The following PPP2R2C variants were observed in gnomAD, a reference collection of about 807,000 sequenced individuals.
PPP2R2C encodes the protein protein phosphatase 2 regulatory subunit Bgamma, also known as protein phosphatase 2, regulatory subunit B, gamma.
In PPP2R2C, 10 loss-of-function variants were observed where a neutral mutation model predicts 45.3. The observed-to-expected ratio is 0.22, with a 90% CI of 0.14 to 0.37. The LOEUF (loss-of-function observed/expected upper bound fraction) is 0.37. PPP2R2C is among the 10% of genes least tolerant of loss of function. The pLI is 1.00. For missense variants in PPP2R2C, 308 were observed against 619.7 expected (o/e 0.50, Z 5.34); for synonymous variants, 257 against 245.4 (o/e 1.05, Z -0.44).
intron 5 of PPP2R2C, among the ~76,000 whole-genome samples, chr4:6,367,624 C>T (rs543448597): frequency 3.3e-5 from 5 of 152,296 alleles, no homozygotes; most frequent in East Asian, 3.9e-4. Context: ...AGAAATGAAA[C>T]GCCTCCTCTC....
intron 1 of PPP2R2C, among the ~76,000 whole-genome samples, chr4:6,545,700 T>C (rs1724957464): frequency 6.6e-6 from 1 of 152,160 alleles, no homozygotes; most frequent in African/African-American, 2.4e-5. Flanking sequence ...AATCCCCAAT[T>C]CCCTGCCTGA....
chr4:6,360,994 G>A (rs1326823595), intron 5 of PPP2R2C, among the ~76,000 whole-genome samples: 1 of 152,154 alleles, frequency 6.6e-6, no homozygotes, highest in Admixed American at 6.5e-5. Flanking sequence ...GATTGGATTA[G>A]GGTCTACCCT....
intron 1 of PPP2R2C, chr4:6,381,700 G>C (rs373796526): frequency 5.2e-6 from 8 of 1,549,088 alleles, no homozygotes; most frequent in Middle Eastern, 1.7e-4. Context: ...TGCCTGCCCT[G>C]ACCCTCCCTG....
intron 1 of PPP2R2C, among the ~76,000 whole-genome samples, chr4:6,400,928 G>A (rs1049885703): frequency 2.6e-5 from 4 of 152,196 alleles, no homozygotes; most frequent in Non-Finnish European, 4.4e-5. Context: ...GCTGGGAGTT[G>A]AGGAACATTT....
chr4:6,350,915 G>T (rs1025399264), intron 5 of PPP2R2C: 1 of 985,288 alleles, frequency 1.0e-6, no homozygotes. Flanking sequence ...CCTTCAGGTT[G>T]TTTGCTACCA....
At chr4:6,414,165 A>T in intron 1 of PPP2R2C, 1 of 1,055,088 alleles carries the variant, frequency 9.5e-7, no homozygotes, top group Admixed American at 3.2e-5. Context: ...ACGGCCTAGT[A>T]TGCCTTTTTC....
intron 2 of PPP2R2C, among the ~76,000 whole-genome samples, chr4:6,379,161 A>G (rs1264069281): frequency 6.6e-6 from 1 of 152,154 alleles, no homozygotes; most frequent in Non-Finnish European, 1.5e-5. Flanking sequence ...AATGTCTGGC[A>G]ATGTCAGACC....
At position 6,364,714 on chromosome 4, in the gene PPP2R2C, G is replaced by A. The variant is rs1714125405; in HGVS notation, c.625+7809C>T. Reference sequence around the variant, plus strand: ...CAGAGAACCCAAGTGAGCTGCCCGAGGCCGCGGAGTCCCTATGTCTTGGGG... The same window carrying A: ...CAGAGAACCCAAGTGAGCTGCCCGAAGCCGCGGAGTCCCTATGTCTTGGGG... On this transcript the variant is annotated intron_variant, in intron 5 of 8. Transcript: ENST00000382599. This position sits in a 1 kb window ranked among gnomAD's most constrained non-coding sequence, Gnocchi z 5.3. Among the ~76,000 whole-genome samples the A allele has an allele frequency of 6.6e-6, 1 of 152,132 alleles. No homozygotes were observed. The highest frequency in any genetic ancestry group is 1.5e-5 in the Non-Finnish European group (1 of 68,034).
intron 5 of PPP2R2C, among the ~76,000 whole-genome samples, chr4:6,357,882 C>G (rs1253687476): frequency 2.0e-5 from 3 of 152,182 alleles, no homozygotes; most frequent in African/African-American, 7.2e-5. Flanking sequence ...GTGATCCACA[C>G]AGGCCTCCCG....
intron 1 of PPP2R2C, among the ~76,000 whole-genome samples, chr4:6,451,747 C>T (rs533442730): frequency 1.2e-3 from 184 of 152,156 alleles, no homozygotes; most frequent in Non-Finnish European, 1.9e-3. Flanking sequence ...CTCCTCCTCC[C>T]GGCCTCAGTG....
chr4:6,534,528 C>T (rs1326887741), intron 2 of PPP2R2C, among the ~76,000 whole-genome samples: 1 of 151,786 alleles, frequency 6.6e-6, no homozygotes, highest in East Asian at 1.9e-4. Context: ...TCAATAAACA[C>T]ATCAATACAC....
chr4:6,326,506 C>T (rs1160628905), intron 8 of PPP2R2C, among the ~76,000 whole-genome samples: 3 of 152,142 alleles, frequency 2.0e-5, no homozygotes, highest in East Asian at 1.9e-4. Flanking sequence ...GGAGGGCCTG[C>T]GGGATTCCTC....
At chr4:6,555,998 C>G (rs949621370) in intron 1 of PPP2R2C, among the ~76,000 whole-genome samples, 1 of 152,086 alleles carries the variant, frequency 6.6e-6, no homozygotes, top group Non-Finnish European at 1.5e-5. Context: ...CAAGAGTGAG[C>G]CCTGGGGTGG....
At chr4:6,470,337 C>T (rs1183621140) in intron 1 of PPP2R2C, among the ~76,000 whole-genome samples, 1 of 152,188 alleles carries the variant, frequency 6.6e-6, no homozygotes, top group Non-Finnish European at 1.5e-5. Flanking sequence ...CTCTGACCTC[C>T]AGAACTGTGC....
At chr4:6,356,306 C>T (rs1713184286) in intron 5 of PPP2R2C, among the ~76,000 whole-genome samples, 1 of 152,222 alleles carries the variant, frequency 6.6e-6, no homozygotes. Context: ...GCATCTGTAG[C>T]TCATCCAATC....
intron 5 of PPP2R2C, among the ~76,000 whole-genome samples, chr4:6,357,911 A>G (rs944176370): frequency 6.6e-6 from 1 of 152,212 alleles, no homozygotes; most frequent in African/African-American, 2.4e-5. Context: ...TCGGGCATGC[A>G]GAGGTTTTTA....
chr4:6,447,156 C>T (rs1720467076), intron 1 of PPP2R2C, among the ~76,000 whole-genome samples: 1 of 152,060 alleles, frequency 6.6e-6, no homozygotes, highest in South Asian at 2.1e-4. Flanking sequence ...TCACTCTCAC[C>T]AAGGAGCCCC....
In PPP2R2C at chr4:6,368,347, C is replaced by T. The variant is rs1232926266; in HGVS notation, c.625+4176G>A. Among the ~76,000 whole-genome samples the T allele has an allele frequency of 2.6e-5, 4 of 152,166 alleles. No individual in the cohort carries two copies. Among genetic ancestry groups the T allele is most frequent in the East Asian group, 1.9e-4 (1 of 5,196 alleles). ...GGCCACCGACTCCCTGTAGCACCCACGGACCACCTGCTCCAATGCCGGGTA... is the reference window on the plus strand; with the variant it reads ...GGCCACCGACTCCCTGTAGCACCCATGGACCACCTGCTCCAATGCCGGGTA... On this transcript the variant is annotated intron_variant, in intron 5 of 8. Transcript: ENST00000382599. The surrounding 1 kb of genome is among the most constrained non-coding windows in gnomAD (Gnocchi z 4.2).
intron 2 of PPP2R2C, among the ~76,000 whole-genome samples, chr4:6,478,484 T>C (rs565925505): frequency 6.7e-6 from 1 of 150,206 alleles, no homozygotes; most frequent in East Asian, 2.0e-4. Context: ...CAAGAGAGAT[T>C]GTCCATCAGC....
Sources: gnomAD v4.1 joint callset for allele counts (sites outside exome capture counted in the v4.1 genomes callset) on GRCh38, gnomAD v4.1.1 for gene constraint, Gnocchi (gnomAD v3.1) non-coding constraint, MANE v1.5 for transcripts, NCBI Gene and HGNC (gene_info 2026-07-23, HGNC 2026-07-21) for gene names.